Variants in TMEM87A observed in about 807,000 individuals in gnomAD.
TMEM87A encodes Golgi-pH regulating cation channel.
Under a neutral mutation model 90.0 loss-of-function variants are expected in TMEM87A, and 50 were observed. The ratio of observed to expected loss-of-function variants is 0.56; its 90% CI spans 0.44 to 0.70. The LOEUF (loss-of-function observed/expected upper bound fraction) is 0.70. Ranked by LOEUF, TMEM87A falls within the 30% of genes least tolerant of loss-of-function variation. The pLI, the probability that TMEM87A is intolerant of heterozygous loss-of-function variation, is 0.00. For missense variants in TMEM87A, 577 were observed against 660.5 expected, an observed-to-expected ratio of 0.87 and a Z score of 1.39; for synonymous variants, 226 against 226.7, an observed-to-expected ratio of 1.00 and a Z score of 0.03.
At chr15:42,215,039 C>T (rs1442147417) in intron 19 of TMEM87A, among the ~76,000 whole-genome samples, 1 of 152,186 alleles carries the variant, frequency 6.6e-6, no homozygotes, top group Non-Finnish European at 1.5e-5. Context: ...TTACACAAAT[C>T]TAGATGTTAT....
chr15:42,270,214 T>C (rs1175589827), intron 2 of TMEM87A, among the ~76,000 whole-genome samples: 1 of 151,082 alleles, frequency 6.6e-6, no homozygotes, highest in Non-Finnish European at 1.5e-5. Context: ...CTGCTAAAAA[T>C]ACAAAAATTA....
rs751497449 is a variant in TMEM87A, at chr15:42,272,112, A to G, written c.156T>C (p.Tyr52=). 11 of 1,607,462 alleles carry G rather than the reference A, an allele frequency of 6.8e-6. No individual in the cohort carries two copies. The highest frequency in any genetic ancestry group is 2.2e-5 in the East Asian group (1 of 44,512). The change falls in exon 2 of 20, where the codon TAT becomes TAC. Residue 52 remains tyrosine, a synonymous_variant. Coordinates refer to ENST00000389834, the MANE Select transcript of TMEM87A (RefSeq NM_015497.5). ...WHIPIPSGKN[Y]FSFGKILFRN... is the part of the protein sequence containing the mutation. Reference sequence around the variant, plus strand: ...TGAAGAGGATCTTTCCAAAACTAAAATAATTTTTCCCCTGCAAACATAAAG... The same window carrying G: ...TGAAGAGGATCTTTCCAAAACTAAAGTAATTTTTCCCCTGCAAACATAAAG...
intron 1 of TMEM87A, chr15:42,273,039 TGCTGAAGTG>T: frequency 1.5e-6 from 1 of 677,684 alleles, no homozygotes; most frequent in South Asian, 1.6e-5. Context: ...TCCTTTCTGT[TGCTGAAGTG>T]GCCCTTACAT....
chr15:42,230,115 C>CT (rs2050663350), intron 12 of TMEM87A, among the ~76,000 whole-genome samples: 2 of 152,220 alleles, frequency 1.3e-5, no homozygotes, highest in African/African-American at 4.8e-5. Flanking sequence ...GCATGAGCCA[C>CT]TGCACCCGGC....
At chr15:42,235,541 A>G (rs2050754682) in intron 10 of TMEM87A, among the ~76,000 whole-genome samples, 1 of 152,206 alleles carries the variant, frequency 6.6e-6, no homozygotes, top group Non-Finnish European at 1.5e-5. Flanking sequence ...AACAATTGGC[A>G]TCATCCTTAA....
intron 6 of TMEM87A, among the ~76,000 whole-genome samples, chr15:42,249,514 T>G (rs542268172): frequency 8.5e-5 from 13 of 152,376 alleles, no homozygotes; most frequent in Middle Eastern, 3.4e-3. Context: ...AGAACATCTT[T>G]ATTTCTGCTT....
intron 7 of TMEM87A, among the ~76,000 whole-genome samples, chr15:42,243,082 C>T (rs1370420293): frequency 8.6e-5 from 13 of 151,846 alleles, no homozygotes; most frequent in South Asian, 2.1e-4. Flanking sequence ...CTGGCTAACA[C>T]GGTGAAACTC....
rs868439842 is a variant in TMEM87A, at chr15:42,273,313, G to A, written c.86C>T (p.Ala29Val). ...AHPSPLSFFS[A>V]GPATVAAADR... Reference sequence around the variant, plus strand: ...GGCAGCAGCTACGGTTGCCGGTCCCGCACTGAAAAACGACAGTGGTGACGG... The same window carrying A: ...GGCAGCAGCTACGGTTGCCGGTCCCACACTGAAAAACGACAGTGGTGACGG... Residue 29 changes from alanine to valine, a missense_variant, in exon 1 of 20, where the codon GCG becomes GTG. By Grantham distance (64) the Ala-to-Val change is moderately conservative. Transcript: ENST00000389834. The A allele has an allele frequency of 4.3e-6, 7 of 1,614,034 alleles. No individual in the cohort carries two copies. The African/African-American group carries it at 6.7e-5, about 15-fold the overall frequency.
intron 2 of TMEM87A, among the ~76,000 whole-genome samples, chr15:42,271,843 A>G (rs1385784871): frequency 1.3e-5 from 2 of 151,280 alleles, no homozygotes; most frequent in Non-Finnish European, 2.9e-5. Context: ...TACATAGTGT[A>G]TATATGCAAT....
At chr15:42,251,866 G>C (rs2051092938) in intron 6 of TMEM87A, among the ~76,000 whole-genome samples, 1 of 152,242 alleles carries the variant, frequency 6.6e-6, no homozygotes, top group South Asian at 2.1e-4. Flanking sequence ...GGAGTCTACA[G>C]AGGCAGGCAG....
intron 4 of TMEM87A, among the ~76,000 whole-genome samples, chr15:42,263,300 AAAG>A (rs1215338791): frequency 3.3e-5 from 5 of 152,240 alleles, no homozygotes; most frequent in Admixed American, 6.5e-5. Flanking sequence ...GTCAGACAAA[AAAG>A]AACAAAAGTT....
At position 42,227,859 on chromosome 15, in the gene TMEM87A, C is replaced by T. The variant is rs144746360; in HGVS notation, c.1241-90G>A. The T allele has an allele frequency of 7.6e-5, 87 of 1,151,456 alleles. No homozygotes were observed. The African/African-American group carries it at 1.3e-3, about 17-fold the overall frequency. The allele number at this position is 1,151,456 out of a possible 1,614,324, so 71.3% of individuals were successfully genotyped here. ...CCATTTCCGGTTAAGTGGAATCCCA[C>T]ACACCCCGAACCCCCAAATACATCA... On this transcript the variant is annotated intron_variant, in intron 13 of 19. Coordinates refer to ENST00000389834, the MANE Select transcript of TMEM87A (RefSeq NM_015497.5).
chr15:42,238,948 T>C (rs1372450880), intron 8 of TMEM87A, among the ~76,000 whole-genome samples: 4 of 151,782 alleles, frequency 2.6e-5, no homozygotes, highest in Non-Finnish European at 5.9e-5. Context: ...GAAAATATAT[T>C]AAGGATATTC....
At chr15:42,271,151 G>A (rs983238310) in intron 2 of TMEM87A, among the ~76,000 whole-genome samples, 2 of 152,112 alleles carry the variant, frequency 1.3e-5, no homozygotes, top group Admixed American at 6.5e-5. Flanking sequence ...AACACACAAT[G>A]GGATACTTTA....
chr15:42,251,997 T>C (rs1038223751), intron 6 of TMEM87A, among the ~76,000 whole-genome samples: 3 of 152,242 alleles, frequency 2.0e-5, no homozygotes, highest in Non-Finnish European at 2.9e-5. Flanking sequence ...GCAGTTCGAT[T>C]TGGGACTGCT....
intron 3 of TMEM87A, among the ~76,000 whole-genome samples, chr15:42,266,702 A>G (rs2051412704): frequency 6.6e-6 from 1 of 152,150 alleles, no homozygotes; most frequent in Non-Finnish European, 1.5e-5. Flanking sequence ...ACTTTTATGT[A>G]AGAATATCCT....
chr15:42,244,259 C>A, intron 6 of TMEM87A, 92 bp from the exon 7 acceptor site: 1 of 829,566 alleles, frequency 1.2e-6, no homozygotes, highest in South Asian at 1.8e-5. Flanking sequence ...CCAGAATGTG[C>A]CCAGAAATAT....
intron 7 of TMEM87A, among the ~76,000 whole-genome samples, chr15:42,241,716 G>A (rs1226240458): frequency 2.0e-5 from 3 of 152,014 alleles, no homozygotes; most frequent in African/African-American, 7.2e-5. Context: ...GGCCAGGTGC[G>A]GCGGCTCACA....
At chr15:42,217,953 A>G (rs903321354) in intron 18 of TMEM87A, 120 bp from the exon 19 acceptor site, 97 of 954,002 alleles carry the variant, frequency 1.0e-4, no homozygotes, top group Middle Eastern at 9.7e-4. Flanking sequence ...GCATTTTATT[A>G]ATGGCCCTTT....
Sources: gnomAD v4.1 joint callset for allele counts (sites outside exome capture counted in the v4.1 genomes callset) on GRCh38, gnomAD v4.1.1 for gene constraint, MANE v1.5 for transcripts, NCBI Gene and HGNC (gene_info 2026-07-23, HGNC 2026-07-21) for gene names.